DAB1: variants seen among roughly 807,000 people sequenced by gnomAD.
DAB1 encodes the protein disabled homolog 1.
Under a neutral mutation model 64.6 loss-of-function variants are expected in DAB1, and 15 were observed. That is an observed-to-expected ratio of 0.23 (90% confidence interval 0.16 to 0.36). The LOEUF (loss-of-function observed/expected upper bound fraction) is 0.36. Ranked by LOEUF, DAB1 falls within the 10% of genes least tolerant of loss-of-function variation. The pLI, the probability that DAB1 is intolerant of heterozygous loss-of-function variation, is 1.00. For missense variants in DAB1, 596 were observed against 706.7 expected (o/e 0.84, Z 1.78); for synonymous variants, 235 against 251.9 (o/e 0.93, Z 0.64).
At chr1:57,151,975 G>A (rs550729171) in intron 2 of DAB1, among the ~76,000 whole-genome samples, 20 of 151,780 alleles carry the variant, frequency 1.3e-4, no homozygotes, top group Non-Finnish European at 2.5e-4. Context: ...CACCATGCCC[G>A]GCTGATTTTT....
chr1:58,488,936 A>T (rs1030337717), intron 3 of DAB1, among the ~76,000 whole-genome samples: 17 of 152,242 alleles, frequency 1.1e-4, no homozygotes, highest in African/African-American at 3.9e-4. Context: ...TTCATGAAAG[A>T]TGTGTACTTG....
chr1:58,379,612 T>C (rs1306411613), intron 3 of DAB1, among the ~76,000 whole-genome samples: 1 of 152,248 alleles, frequency 6.6e-6, no homozygotes, highest in Non-Finnish European at 1.5e-5. Flanking sequence ...ACTTAACAAA[T>C]ATATTTGAAT....
chr1:57,757,220 T>TTTTTTTTTTTTTTTTTTG lies in DAB1; in HGVS notation n.552-107556_552-107555insCAAAAAAAAAAAAAAAAA, dbSNP rs200688727. On this transcript the variant is annotated intron_variant and non_coding_transcript_variant, in intron 6 of 20. Coordinates refer to the DAB1 transcript ENST00000485760. Reference sequence around the variant, plus strand: ...AGAATTTTTTTTTTTTTTTTTTTTTTAGCAGCAATGATGGAGGCTAACAGC... The same window carrying TTTTTTTTTTTTTTTTTTG: ...AGAATTTTTTTTTTTTTTTTTTTTTTTTTTTTTTTTTTTTTTTGAGCAGCAATGATGGAGGCTAACAGC... Among the ~76,000 whole-genome samples, 277 of 120,136 alleles carry TTTTTTTTTTTTTTTTTTG rather than the reference T, an allele frequency of 2.3e-3. 30 individuals are homozygous for TTTTTTTTTTTTTTTTTTG. Among genetic ancestry groups the TTTTTTTTTTTTTTTTTTG allele is most frequent in the Non-Finnish European group, 3.4e-3 (186 of 54,822 alleles). The allele number at this position is 120,136 out of a possible 152,430, so 78.8% of individuals were successfully genotyped here.
intron 5 of DAB1, among the ~76,000 whole-genome samples, chr1:58,016,323 C>G (rs1314144516): frequency 1.3e-5 from 2 of 152,166 alleles, no homozygotes; most frequent in Admixed American, 1.3e-4. Flanking sequence ...CAAAAGCAGA[C>G]AGTGGGCTGG....
chr1:58,252,938 G>A (rs1660838047), intron 4 of DAB1, among the ~76,000 whole-genome samples: 2 of 152,104 alleles, frequency 1.3e-5, no homozygotes, highest in African/African-American at 4.8e-5. Flanking sequence ...CATCTTTTCC[G>A]AGCTAGTTTC....
At chr1:57,923,570 C>T (rs1038035476) in intron 5 of DAB1, among the ~76,000 whole-genome samples, 5 of 152,174 alleles carry the variant, frequency 3.3e-5, no homozygotes, top group African/African-American at 1.2e-4. Flanking sequence ...CCACAAAATC[C>T]CTTTAGGGCA....
At chr1:57,639,392 T>G (rs1646100873) in intron 7 of DAB1, among the ~76,000 whole-genome samples, 1 of 148,294 alleles carries the variant, frequency 6.7e-6, no homozygotes, top group Non-Finnish European at 1.5e-5. Flanking sequence ...CTTTATAAAG[T>G]TCTTTATAAA....
chr1:57,218,772 G>C (rs554616453), intron 2 of DAB1, among the ~76,000 whole-genome samples: 2 of 152,226 alleles, frequency 1.3e-5, no homozygotes, highest in South Asian at 2.1e-4. Context: ...CAAGAGAGCT[G>C]GGTGCAAAAG....
At chr1:57,983,544 G>C (rs957604259) in intron 5 of DAB1, among the ~76,000 whole-genome samples, 2 of 152,142 alleles carry the variant, frequency 1.3e-5, no homozygotes, top group Non-Finnish European at 2.9e-5. Context: ...CAGCCAGGAA[G>C]CAAAAGCAAA....
chr1:57,500,509 G>A (rs576518793), intron 7 of DAB1, among the ~76,000 whole-genome samples: 23 of 152,314 alleles, frequency 1.5e-4, no homozygotes, highest in African/African-American at 5.5e-4. Flanking sequence ...TAAATACCGT[G>A]CCCAGCTATT....
At chr1:57,524,827 C>T (rs1213543807) in intron 7 of DAB1, among the ~76,000 whole-genome samples, 3 of 152,158 alleles carry the variant, frequency 2.0e-5, no homozygotes, top group African/African-American at 7.2e-5. Context: ...GGGGATGCCA[C>T]GGCTTGGCTT....
intron 5 of DAB1, among the ~76,000 whole-genome samples, chr1:58,070,609 A>G (rs749222711): frequency 1.2e-4 from 18 of 152,222 alleles, no homozygotes; most frequent in Non-Finnish European, 2.2e-4. Flanking sequence ...TCATTTGAGA[A>G]GGTAAAGACT....
At chr1:57,781,126 C>CTATATATATATATA (rs35044056) in intron 6 of DAB1, among the ~76,000 whole-genome samples, 2 of 27,726 alleles carry the variant, frequency 7.2e-5, no homozygotes, top group Non-Finnish European at 6.4e-5. Flanking sequence ...CTCTCTCTCT[C>CTATATATATATATA]TATATATATA....
intron 2 of DAB1, among the ~76,000 whole-genome samples, chr1:57,177,098 G>C (rs1222311050): frequency 6.6e-6 from 1 of 151,256 alleles, no homozygotes; most frequent in Non-Finnish European, 1.5e-5. Context: ...AGACAACTTA[G>C]CCCTAAGATC....
intron 2 of DAB1, among the ~76,000 whole-genome samples, chr1:57,211,741 C>G (rs2100334102): frequency 6.8e-6 from 1 of 147,508 alleles, no homozygotes; most frequent in Non-Finnish European, 1.5e-5. Flanking sequence ...AAATGTAGAC[C>G]AAAAACTTTA....
chr1:57,213,782 C>A (rs950414051), intron 2 of DAB1, among the ~76,000 whole-genome samples: 2 of 152,282 alleles, frequency 1.3e-5, no homozygotes, highest in South Asian at 4.1e-4. Context: ...AATATTTCAC[C>A]ATTTTCTCTT....
At chr1:58,097,359 C>A (rs1394902855) in intron 5 of DAB1, among the ~76,000 whole-genome samples, 1 of 152,174 alleles carries the variant, frequency 6.6e-6, no homozygotes, top group African/African-American at 2.4e-5. Context: ...CCTCTGCCCT[C>A]ATGGAGCTTC....
At chr1:58,518,535 C>T (rs1317715222) in intron 2 of DAB1, among the ~76,000 whole-genome samples, 1 of 151,624 alleles carries the variant, frequency 6.6e-6, no homozygotes, top group Non-Finnish European at 1.5e-5. Flanking sequence ...GATGCTAGTA[C>T]TGGAGATGGG....
chr1:57,015,296 G>C lies in DAB1; in HGVS notation c.1031C>G (p.Pro344Arg). The C allele has an allele frequency of 1.2e-6, 2 of 1,614,124 alleles. No homozygotes were observed. The highest frequency in any genetic ancestry group is 1.6e-4 in the Middle Eastern group (1 of 6,062). ...CTGCTGAGTGGCAGGAAAGAGACCC[G>C]GCTGGCCCCATGCGATGGGCTGAGC... ...PGAQPIAWGQ[P>R]GLFPATQQPW... The change falls in exon 12 of 15, where the codon CCG (proline) becomes CGG (arginine). Residue 344 changes from proline to arginine, a missense_variant. Physicochemically the swap from Pro to Arg is moderately radical, Grantham distance 103. This residue lies in a region of DAB1 where 377 missense variants were observed against 400.4 expected (regional missense o/e 0.94). Transcript: ENST00000371236.
Sources: gnomAD v4.1 joint callset for allele counts (sites outside exome capture counted in the v4.1 genomes callset) on GRCh38, gnomAD v4.1.1 for gene constraint, gnomAD v4.1.1 regional missense constraint, MANE v1.5 for transcripts, NCBI Gene and HGNC (gene_info 2026-07-23, HGNC 2026-07-21) for gene names.